The following CDH8 variants were observed in gnomAD, a reference collection of about 807,000 sequenced individuals.
The protein encoded by CDH8 is cadherin-8.
Under a neutral mutation model 68.1 loss-of-function variants are expected in CDH8, and 17 were observed. The observed-to-expected ratio is 0.25, with a 90% confidence interval of 0.17 to 0.37. The LOEUF (loss-of-function observed/expected upper bound fraction) is 0.37, where lower values mean the gene tolerates loss of function less well. Ranked by LOEUF, CDH8 falls within the 10% of genes least tolerant of loss-of-function variation. The pLI, the probability that CDH8 is intolerant of heterozygous loss-of-function variation, is 1.00. For synonymous variants in CDH8, 372 were observed against 365.1 expected (o/e 1.02, Z -0.21); for missense variants, 763 against 999.3 (o/e 0.76, Z 3.19).
chr16:61,672,426 A>T (rs1963815821), intron 10 of CDH8, among the ~76,000 whole-genome samples: 1 of 152,094 alleles, frequency 6.6e-6, no homozygotes, highest in Admixed American at 6.6e-5. Flanking sequence ...ATTTTAAAAT[A>T]ATTTTTCCAA....
intron 4 of CDH8, among the ~76,000 whole-genome samples, chr16:61,856,485 T>C (rs2143015309): frequency 6.6e-6 from 1 of 152,268 alleles, no homozygotes; most frequent in Non-Finnish European, 1.5e-5. Context: ...AGGCTGTTTG[T>C]TAGATAACTT....
intron 3 of CDH8, among the ~76,000 whole-genome samples, chr16:61,872,868 A>G (rs1251042227): frequency 6.6e-6 from 1 of 152,182 alleles, no homozygotes; most frequent in Non-Finnish European, 1.5e-5. Context: ...ACTCAAAGAG[A>G]CACTTCAGAA....
At chr16:61,901,097 T>C in intron 3 of CDH8, 82 bp downstream of exon 3, 1 of 1,252,110 alleles carries the variant, frequency 8.0e-7, no homozygotes, top group South Asian at 1.4e-5. Flanking sequence ...ATGTCTTTCA[T>C]TCAGCAATAC....
chr16:61,744,334 T>G (rs2142931585), intron 8 of CDH8, among the ~76,000 whole-genome samples: 1 of 152,242 alleles, frequency 6.6e-6, no homozygotes, highest in South Asian at 2.1e-4. Context: ...ATTTAGTTAT[T>G]TATCATTATA....
chr16:61,884,734 T>C (rs1287319377), intron 3 of CDH8, among the ~76,000 whole-genome samples: 2 of 152,168 alleles, frequency 1.3e-5, no homozygotes, highest in Admixed American at 1.3e-4. Context: ...AAGAATGTAG[T>C]ACAGAATACA....
At chr16:61,754,736 T>C (rs1195593930) in intron 8 of CDH8, among the ~76,000 whole-genome samples, 1 of 152,172 alleles carries the variant, frequency 6.6e-6, no homozygotes, top group African/African-American at 2.4e-5. Flanking sequence ...TACTAAAACC[T>C]ATTTCTATCT....
intron 7 of CDH8, among the ~76,000 whole-genome samples, chr16:61,817,117 G>A (rs1286693920): frequency 6.6e-6 from 1 of 151,970 alleles, no homozygotes; most frequent in Non-Finnish European, 1.5e-5. Flanking sequence ...CTTCCCCAAA[G>A]CTAAACAAAC....
chr16:61,791,983 C>T (rs571950914), intron 7 of CDH8, among the ~76,000 whole-genome samples: 3 of 152,008 alleles, frequency 2.0e-5, no homozygotes, highest in South Asian at 2.1e-4. Context: ...CAATCTCTGG[C>T]ACTAAGTATG....
At chr16:61,989,651 A>G (rs1296815321) in intron 2 of CDH8, among the ~76,000 whole-genome samples, 3 of 152,200 alleles carry the variant, frequency 2.0e-5, no homozygotes, top group Non-Finnish European at 4.4e-5. Flanking sequence ...CTTAGCTCCT[A>G]TGATTGATCA....
chr16:61,962,533 T>G (rs1286769981), intron 2 of CDH8, among the ~76,000 whole-genome samples: 1 of 152,180 alleles, frequency 6.6e-6, no homozygotes, highest in Admixed American at 6.5e-5. Flanking sequence ...CTGAGCACAT[T>G]TTTGCAAGCC....
chr16:61,848,629 G>T (rs778653239), intron 4 of CDH8, among the ~76,000 whole-genome samples: 18 of 151,990 alleles, frequency 1.2e-4, no homozygotes, highest in Non-Finnish European at 2.2e-4. Flanking sequence ...TTGTGTGCAC[G>T]CAGCTAGCTG....
chr16:61,991,253 A>G (rs140798974), intron 2 of CDH8, among the ~76,000 whole-genome samples: 2 of 152,184 alleles, frequency 1.3e-5, no homozygotes, highest in Admixed American at 6.5e-5. Flanking sequence ...GGAAACTCAC[A>G]TCTATTAAGG....
At chr16:61,895,060 T>C (rs1431393149) in intron 3 of CDH8, among the ~76,000 whole-genome samples, 1 of 152,152 alleles carries the variant, frequency 6.6e-6, no homozygotes, top group Non-Finnish European at 1.5e-5. Context: ...ACGTGATGTA[T>C]AGTTCTGACA....
At chr16:61,660,372 T>C (rs1227347732) in intron 10 of CDH8, among the ~76,000 whole-genome samples, 15 of 151,772 alleles carry the variant, frequency 9.9e-5, no homozygotes, top group Admixed American at 9.2e-4. Flanking sequence ...AAGAAATGAT[T>C]AGTGAACTCA....
chr16:61,763,937 C>T (rs532686749), intron 8 of CDH8, among the ~76,000 whole-genome samples: 57 of 152,170 alleles, frequency 3.7e-4, no homozygotes, highest in Non-Finnish European at 6.8e-4. Context: ...AGTTAACAAT[C>T]GCAACTAATG....
At chr16:61,832,256 C>T (rs1046450147) in intron 4 of CDH8, among the ~76,000 whole-genome samples, 1 of 151,482 alleles carries the variant, frequency 6.6e-6, no homozygotes, top group African/African-American at 2.4e-5. Context: ...AAGAAAACAG[C>T]ACTTCCCTTT....
At chr16:61,897,612 G>C (rs1382353352) in intron 3 of CDH8, among the ~76,000 whole-genome samples, 1 of 152,128 alleles carries the variant, frequency 6.6e-6, no homozygotes, top group Admixed American at 6.5e-5. Flanking sequence ...ATAGATATAG[G>C]CTTGGCATGA....
chr16:62,004,402 C>T (rs1965940189), intron 2 of CDH8, among the ~76,000 whole-genome samples: 1 of 152,072 alleles, frequency 6.6e-6, no homozygotes, highest in African/African-American at 2.4e-5. Context: ...CCATATTTCT[C>T]AGTGAAAAAG....
intron 10 of CDH8, among the ~76,000 whole-genome samples, chr16:61,677,786 C>A (rs891022230): frequency 1.3e-5 from 2 of 151,968 alleles, no homozygotes; most frequent in Non-Finnish European, 2.9e-5. Flanking sequence ...CCTGAATAGA[C>A]CCCTCCTGTT....
Sources: allele counts gnomAD v4.1 joint callset (sites outside exome capture counted in the v4.1 genomes callset), GRCh38; gene constraint gnomAD v4.1.1; transcripts MANE v1.5; gene names NCBI Gene and HGNC (gene_info 2026-07-23, HGNC 2026-07-21).